MACROD2: variants seen among roughly 807,000 people sequenced by gnomAD.
The protein encoded by MACROD2 is ADP-ribose glycohydrolase MACROD2.
Under a neutral mutation model 70.4 loss-of-function variants are expected in MACROD2, and 36 were observed. The observed-to-expected ratio is 0.51, with a 90% confidence interval of 0.39 to 0.68. The LOEUF (loss-of-function observed/expected upper bound fraction) is 0.68. MACROD2 is among the 30% of genes least tolerant of loss of function. MACROD2 has a pLI of 0.00. For missense variants in MACROD2, 496 were observed against 538.4 expected, an observed-to-expected ratio of 0.92 and a Z score of 0.78; for synonymous variants, 172 against 178.8, an observed-to-expected ratio of 0.96 and a Z score of 0.30.
At chr20:14,764,560 A>G (rs879148737) in intron 5 of MACROD2, among the ~76,000 whole-genome samples, 3 of 151,986 alleles carry the variant, frequency 2.0e-5, no homozygotes, top group Admixed American at 2.0e-4. Context: ...CCCGTAAACT[A>G]CCTGTGAGGA....
At chr20:15,249,807 CAGGGGCCGAGCTGGTTCAA>C (rs761664102) in intron 6 of MACROD2, among the ~76,000 whole-genome samples, 12 of 152,204 alleles carry the variant, frequency 7.9e-5, no homozygotes, top group African/African-American at 1.2e-4. Flanking sequence ...ACATGGGCGG[CAGGGGCCGAGCTGGTTCAA>C]AGGTTTGAGG....
chr20:14,864,035 C>T (rs2073401207), intron 5 of MACROD2, among the ~76,000 whole-genome samples: 2 of 152,026 alleles, frequency 1.3e-5, no homozygotes, highest in South Asian at 4.1e-4. Flanking sequence ...TAGGCTATTT[C>T]CTGAGTATAG....
chr20:15,307,319 A>C (rs1388576942), intron 6 of MACROD2, among the ~76,000 whole-genome samples: 2 of 152,200 alleles, frequency 1.3e-5, no homozygotes, highest in Non-Finnish European at 2.9e-5. Context: ...CCAGAGGATA[A>C]GGCTTGGATC....
intron 4 of MACROD2, among the ~76,000 whole-genome samples, chr20:14,575,017 C>CAAAAAAAAAAAAAAAAAAAAAAAA (rs1195216470): frequency 1.4e-4 from 7 of 49,952 alleles, no homozygotes; most frequent in African/African-American, 4.4e-4. Context: ...GACTCTGTCT[C>CAAAAAAAAAAAAAAAAAAAAAAAA]AAAAAAAAAA....
At chr20:14,045,288 C>T (rs758007455) in intron 2 of MACROD2, among the ~76,000 whole-genome samples, 3 of 152,236 alleles carry the variant, frequency 2.0e-5, no homozygotes, top group Admixed American at 6.5e-5. Flanking sequence ...GCACCAACGT[C>T]GAGGAGGCGC....
intron 8 of MACROD2, among the ~76,000 whole-genome samples, chr20:15,766,301 G>T (rs2051523206): frequency 6.6e-6 from 1 of 152,160 alleles, no homozygotes; most frequent in African/African-American, 2.4e-5. Context: ...TCTAAGGGAT[G>T]AACTGATATT....
At chr20:15,118,780 T>G (rs1289288628) in intron 5 of MACROD2, among the ~76,000 whole-genome samples, 1 of 152,188 alleles carries the variant, frequency 6.6e-6, no homozygotes, top group Non-Finnish European at 1.5e-5. Context: ...TTGACAAAAT[T>G]TACTTTTTTA....
chr20:14,047,042 G>C (rs2053488194), intron 2 of MACROD2, among the ~76,000 whole-genome samples: 1 of 152,026 alleles, frequency 6.6e-6, no homozygotes, highest in African/African-American at 2.4e-5. Flanking sequence ...ATAGAGTATA[G>C]AAAACAAATT....
intron 7 of MACROD2, among the ~76,000 whole-genome samples, chr20:15,470,447 G>T (rs1051739544): frequency 6.6e-5 from 10 of 152,098 alleles, no homozygotes; most frequent in Non-Finnish European, 1.5e-4. Context: ...TTCCCCTGAG[G>T]TACCATCTCC....
intron 5 of MACROD2, among the ~76,000 whole-genome samples, chr20:15,071,232 G>A (rs891142210): frequency 1.6e-4 from 25 of 152,180 alleles, no homozygotes; most frequent in Non-Finnish European, 2.4e-4. Flanking sequence ...TAGGCCATTC[G>A]TGTGTTGTTA....
At chr20:14,465,244 G>T (rs1486113031) in intron 3 of MACROD2, among the ~76,000 whole-genome samples, 1 of 152,072 alleles carries the variant, frequency 6.6e-6, no homozygotes, top group Admixed American at 6.5e-5. Context: ...ATATATTTAG[G>T]ATAGTTAGTT....
chr20:14,035,914 G>A (rs1441365686), intron 2 of MACROD2, among the ~76,000 whole-genome samples: 5 of 152,222 alleles, frequency 3.3e-5, no homozygotes, highest in African/African-American at 9.6e-5. Context: ...AGGCCAAGGC[G>A]GGCGGATCAC....
intron 5 of MACROD2, among the ~76,000 whole-genome samples, chr20:14,806,540 A>T (rs2072641014): frequency 6.6e-6 from 1 of 152,038 alleles, no homozygotes. Flanking sequence ...AGCTAGCTGC[A>T]GGAATTTTCT....
intron 3 of MACROD2, among the ~76,000 whole-genome samples, chr20:14,156,557 C>A (rs1056951880): frequency 2.6e-5 from 4 of 152,106 alleles, no homozygotes; most frequent in African/African-American, 9.7e-5. Context: ...CAGTGGCAAG[C>A]CAGATTAATT....
intron 3 of MACROD2, among the ~76,000 whole-genome samples, chr20:14,183,538 A>G (rs976626978): frequency 6.6e-6 from 1 of 151,974 alleles, no homozygotes; most frequent in Admixed American, 6.6e-5. Flanking sequence ...TTTTTGGGGT[A>G]TATACCCAGT....
intron 5 of MACROD2, among the ~76,000 whole-genome samples, chr20:14,876,748 A>T (rs2073555522): frequency 6.6e-6 from 1 of 151,886 alleles, no homozygotes; most frequent in South Asian, 2.1e-4. Context: ...GTTTTTGTCA[A>T]CTTTGTTGTA....
chr20:15,525,283 A>G lies in MACROD2; in HGVS notation c.645+25436A>G, dbSNP rs189811778. Among the ~76,000 whole-genome samples, 139 of 150,884 alleles carry G rather than the reference A, an allele frequency of 9.2e-4. 1 individual carries two copies. The highest frequency in any genetic ancestry group is 3.2e-3 in the African/African-American group (131 of 41,128). ...CTTACTCTCCACTAGAATCCCACTA[A>G]GAGCCCCAAGGAAAGGGATCATGTG... On this transcript the variant is annotated intron_variant, in intron 8 of 17. Transcript: ENST00000684519.
intron 6 of MACROD2, among the ~76,000 whole-genome samples, chr20:15,288,602 T>C (rs2077512871): frequency 6.6e-6 from 1 of 152,192 alleles, no homozygotes; most frequent in Non-Finnish European, 1.5e-5. Context: ...GTGAATTTGC[T>C]CCTTTTTCTC....
chr20:15,171,711 A>C (rs1010427810), intron 5 of MACROD2, among the ~76,000 whole-genome samples: 8 of 152,102 alleles, frequency 5.3e-5, no homozygotes, highest in Admixed American at 2.6e-4. Flanking sequence ...CTTTGAAAAC[A>C]CTTTAAATGA....
Sources: allele counts gnomAD v4.1 joint callset (sites outside exome capture counted in the v4.1 genomes callset), GRCh38; gene constraint gnomAD v4.1.1; transcripts MANE v1.5; gene names NCBI Gene and HGNC (gene_info 2026-07-23, HGNC 2026-07-21).